The following ARHGAP26 variants were observed in gnomAD, a reference collection of about 807,000 sequenced individuals.
ARHGAP26 encodes Rho GTPase activating protein 26.
In ARHGAP26, 38 loss-of-function variants were observed where a neutral mutation model predicts 104.8. That is an observed-to-expected ratio of 0.36 (90% CI 0.28 to 0.48). ARHGAP26 has a LOEUF of 0.48. Among genes scored for constraint, ARHGAP26 ranks in the 20% least tolerant of loss-of-function variants. The pLI is 0.99. For synonymous variants in ARHGAP26, 341 were observed against 340.0 expected, an observed-to-expected ratio of 1.00 and a Z score of -0.03; for missense variants, 704 against 947.9, an observed-to-expected ratio of 0.74 and a Z score of 3.38.
At chr5:143,133,090 A>G (rs1433303700) in intron 18 of ARHGAP26, among the ~76,000 whole-genome samples, 2 of 152,204 alleles carry the variant, frequency 1.3e-5, no homozygotes, top group African/African-American at 4.8e-5. Flanking sequence ...CCATATAAGT[A>G]TTAGCTATTA....
chr5:142,875,288 C>A, intron 3 of ARHGAP26, 117 bp downstream of exon 3: 1 of 1,018,850 alleles, frequency 9.8e-7, no homozygotes, highest in South Asian at 1.3e-5. Context: ...ATGTTTTGAG[C>A]TCTTCAGCAA....
At chr5:142,917,411 C>A (rs964391820) in intron 10 of ARHGAP26, among the ~76,000 whole-genome samples, 2 of 152,180 alleles carry the variant, frequency 1.3e-5, no homozygotes, top group Non-Finnish European at 2.9e-5. Context: ...TTCAGAGACA[C>A]CGCAGTGTCC....
At chr5:142,857,175 T>C (rs111297065) in intron 1 of ARHGAP26, among the ~76,000 whole-genome samples, 4,250 of 152,360 alleles carry the variant, frequency 0.028, 103 homozygotes, top group Non-Finnish European at 0.044. Flanking sequence ...GGACCCGTCC[T>C]AGTCCTATAT....
chr5:142,933,826 G>A (rs560997906), intron 11 of ARHGAP26, among the ~76,000 whole-genome samples: 2 of 152,248 alleles, frequency 1.3e-5, no homozygotes, highest in South Asian at 4.1e-4. Flanking sequence ...GTGAATAGTT[G>A]GCAGTCTCCA....
chr5:142,987,402 G>A (rs550328705), intron 11 of ARHGAP26, among the ~76,000 whole-genome samples: 15 of 150,652 alleles, frequency 1.0e-4, no homozygotes, highest in Admixed American at 6.7e-5. Flanking sequence ...TGGGCTGAGA[G>A]GATGGGGTTT....
chr5:142,958,748 T>A (rs37209), intron 11 of ARHGAP26, among the ~76,000 whole-genome samples: 1 of 151,682 alleles, frequency 6.6e-6, no homozygotes, highest in Non-Finnish European at 1.5e-5. Flanking sequence ...GTATGCTAAT[T>A]AGCTGGGAAA....
At chr5:143,144,814 C>T (rs183105159) in intron 19 of ARHGAP26, among the ~76,000 whole-genome samples, 1 of 152,226 alleles carries the variant, frequency 6.6e-6, no homozygotes, top group African/African-American at 2.4e-5. Context: ...TTATTCTCTA[C>T]TCTTTCCCTG....
chr5:143,116,495 G>A (rs1184794269), intron 17 of ARHGAP26, among the ~76,000 whole-genome samples: 4 of 152,214 alleles, frequency 2.6e-5, no homozygotes, highest in African/African-American at 9.7e-5. Context: ...TTTAGGACCA[G>A]TCTGGTGTTT....
chr5:143,161,549 A>G (rs564435293), intron 20 of ARHGAP26, among the ~76,000 whole-genome samples: 2 of 152,312 alleles, frequency 1.3e-5, no homozygotes, highest in Non-Finnish European at 2.9e-5. Flanking sequence ...TATATAATGG[A>G]AAAACCTTAA....
At chr5:143,173,029 C>A (rs1599359745) in intron 20 of ARHGAP26, 1 of 179,242 alleles carries the variant, frequency 5.6e-6, no homozygotes, top group Non-Finnish European at 1.2e-5. Flanking sequence ...AGGTAGTATT[C>A]CGTGTACGTG....
chr5:142,875,031 A>G, intron 2 of ARHGAP26, 79 bp from the exon 3 acceptor site: 7 of 1,214,240 alleles, frequency 5.8e-6, no homozygotes, highest in Non-Finnish European at 8.5e-6. Context: ...TAAAATCCAT[A>G]ACATAATAGC....
At chr5:143,101,353 C>G (rs1793204512) in intron 17 of ARHGAP26, among the ~76,000 whole-genome samples, 1 of 152,156 alleles carries the variant, frequency 6.6e-6, no homozygotes, top group African/African-American at 2.4e-5. Flanking sequence ...ACCAACAGGT[C>G]TCTTGATGTA....
At chr5:142,853,323 G>T (rs1751851422) in intron 1 of ARHGAP26, among the ~76,000 whole-genome samples, 2 of 151,962 alleles carry the variant, frequency 1.3e-5, no homozygotes, top group African/African-American at 4.8e-5. Context: ...CCCAAGTAGC[G>T]GGGACTGCAG....
chr5:142,965,189 A>G (rs1237226299), intron 11 of ARHGAP26, among the ~76,000 whole-genome samples: 1 of 152,226 alleles, frequency 6.6e-6, no homozygotes, highest in Non-Finnish European at 1.5e-5. Context: ...TACAGGATGG[A>G]ACATGAAGGC....
intron 22 of ARHGAP26, 133 bp downstream of exon 22, chr5:143,214,221 C>T (rs903661094): frequency 5.0e-5 from 30 of 596,020 alleles, no homozygotes; most frequent in South Asian, 4.3e-4. Flanking sequence ...AGTGTGTGTG[C>T]GTCTGTGTGT....
At chr5:143,141,767 T>C (rs11750326) in intron 19 of ARHGAP26, among the ~76,000 whole-genome samples, 95 of 152,322 alleles carry the variant, frequency 6.2e-4, no homozygotes, top group South Asian at 1.7e-3. Flanking sequence ...TTGTGAGTAA[T>C]ACAGTGTCCA....
At chr5:143,023,581 G>C (rs1478581907) in intron 12 of ARHGAP26, among the ~76,000 whole-genome samples, 1 of 152,164 alleles carries the variant, frequency 6.6e-6, no homozygotes, top group Non-Finnish European at 1.5e-5. Flanking sequence ...ACCCACAGTT[G>C]AGAGGCAGGA....
rs560679557 is a variant in ARHGAP26, at chr5:143,059,389, GC to G, written c.1538+1644del. 1.1e-3 allele frequency among the ~76,000 whole-genome samples: 161 copies of G among 152,326 alleles called. 1 individual carries two copies. The Middle Eastern group carries it at 0.02, about 19-fold the overall frequency. Reference sequence around the variant, plus strand: ...CAAAAGTGAAGGGTGACCCAGCAGAGCCAGTGTTGCGTTTTTCCTACTTTTA... The same window carrying G: ...CAAAAGTGAAGGGTGACCCAGCAGAGCAGTGTTGCGTTTTTCCTACTTTTA... On this transcript the variant is annotated intron_variant, in intron 17 of 22. Coordinates refer to ENST00000645722, the MANE Select transcript of ARHGAP26 (RefSeq NM_001135608.3).
At chr5:143,200,272 G>C (rs574514020) in intron 20 of ARHGAP26, among the ~76,000 whole-genome samples, 1 of 152,060 alleles carries the variant, frequency 6.6e-6, no homozygotes, top group East Asian at 1.9e-4. Context: ...TATTTGGCAC[G>C]GTATATCAAC....
Sources: gnomAD v4.1 joint callset for allele counts (sites outside exome capture counted in the v4.1 genomes callset) on GRCh38, gnomAD v4.1.1 for gene constraint, MANE v1.5 for transcripts, NCBI Gene and HGNC (gene_info 2026-07-23, HGNC 2026-07-21) for gene names.